ECT2L: variants seen among roughly 807,000 people sequenced by gnomAD.
ECT2L encodes the protein epithelial cell transforming 2 like, also known as epithelial cell-transforming sequence 2 oncogene-like.
Under a neutral mutation model 122.8 loss-of-function variants are expected in ECT2L, and 126 were observed. The ratio of observed to expected loss-of-function variants is 1.03; its 90% CI spans 0.89 to 1.19. ECT2L has a LOEUF of 1.19. ECT2L is among the 50% of genes most tolerant of loss of function. The pLI, the probability that ECT2L is intolerant of heterozygous loss-of-function variation, is 0.00. For synonymous variants in ECT2L, 385 were observed against 381.8 expected, an observed-to-expected ratio of 1.01 and a Z score of -0.10; for missense variants, 1,012 against 1,064.1, an observed-to-expected ratio of 0.95 and a Z score of 0.68.
intron 4 of ECT2L, among the ~76,000 whole-genome samples, chr6:138,818,724 A>G (rs1776153111): frequency 6.6e-6 from 1 of 152,142 alleles, no homozygotes; most frequent in African/African-American, 2.4e-5. Flanking sequence ...ATGGGGCTCA[A>G]TGGATGGAAA....
intron 10 of ECT2L, among the ~76,000 whole-genome samples, chr6:138,859,849 T>C (rs1348651845): frequency 6.6e-6 from 1 of 151,616 alleles, no homozygotes; most frequent in Non-Finnish European, 1.5e-5. Flanking sequence ...AGAGTTTCAC[T>C]CTTGTTGCCC....
chr6:138,856,430 G>C (rs1197782962), intron 10 of ECT2L, among the ~76,000 whole-genome samples: 1 of 151,934 alleles, frequency 6.6e-6, no homozygotes, highest in Non-Finnish European at 1.5e-5. Context: ...GGCCAGGCTG[G>C]TCTAGAACTT....
rs1778927129 is a variant in ECT2L, at chr6:138,889,012, G to T, written c.2395G>T (p.Glu799Ter). ...DVAQLHCCDEEISFSLRLYEH... is the reference protein window; with the variant it reads ...DVAQLHCCDE ...AGCCCAACTTCATTGCTGTGATGAAGAAATAAGTTTCTCTTTAAGGTAAAC... is the reference window on the plus strand; with the variant it reads ...AGCCCAACTTCATTGCTGTGATGAATAAATAAGTTTCTCTTTAAGGTAAAC... The change falls in exon 20 of 22, where the codon GAA becomes TAA. Residue 799 changes from glutamate (E) to a stop codon, truncating the protein, a stop_gained. Transcript: ENST00000541398. LOFTEE classifies it high-confidence loss of function. The T allele has an allele frequency of 1.3e-6, 2 of 1,548,964 alleles. No homozygotes were observed. The highest frequency in any genetic ancestry group is 1.4e-5 in the African/African-American group (1 of 73,134).
chr6:138,826,619 A>T (rs1776461905), intron 4 of ECT2L, among the ~76,000 whole-genome samples: 1 of 151,976 alleles, frequency 6.6e-6, no homozygotes, highest in South Asian at 2.1e-4. Flanking sequence ...GTGAGCCGAG[A>T]TTGCATTATA....
chr6:138,834,092 T>C (rs2128385170), intron 4 of ECT2L, among the ~76,000 whole-genome samples: 1 of 152,336 alleles, frequency 6.6e-6, no homozygotes, highest in South Asian at 2.1e-4. Context: ...CCCACATTAC[T>C]AAGCTTTGTT....
In ECT2L at chr6:138,864,998, C is replaced by T; in HGVS notation, c.1294C>T (p.Leu432Phe). 1.2e-6 allele frequency: 2 copies of T among 1,611,998 alleles called. No homozygotes were observed. Among genetic ancestry groups the T allele is most frequent in the Non-Finnish European group, 1.7e-6 (2 of 1,179,302 alleles). ...GIATGSYQHI[L>F]SDWLGSQWGK... The stretch of plus-strand genomic sequence containing the variant: ...ATAACAGAAGAAAATCATGTCAGTT[C>T]TTAGTGATTGGCTGGGATCCCAATG... The change falls in exon 12 of 22, where the codon CTT becomes TTT. Residue 432 changes from leucine to phenylalanine, a missense_variant and splice_region_variant. By Grantham distance (22) the Leu-to-Phe change is conservative. Coordinates refer to ENST00000541398, the MANE Select transcript of ECT2L (RefSeq NM_001077706.3).
rs1177462993 is a variant in ECT2L at position 138,846,643 on chromosome 6, T to G, written c.869T>G (p.Phe290Cys). The G allele has an allele frequency of 5.0e-6, 8 of 1,609,234 alleles. No individual in the cohort carries two copies. The highest frequency in any genetic ancestry group is 5.9e-6 in the Non-Finnish European group (7 of 1,178,006). Residue 290 changes from phenylalanine to cysteine, a missense_variant, in exon 8 of 22, where the codon TTC becomes TGC. By Grantham distance (205) the Phe-to-Cys change is radical. Coordinates refer to ENST00000541398, the MANE Select transcript of ECT2L (RefSeq NM_001077706.3). ...TCTTCATATGCTCTCCGGCCACACT[T>G]CATGTTAATATCATCCCGGATTCCT... ...DRSSYALRPHFMLISSRIPAY... is the reference protein window; with the variant it reads ...DRSSYALRPHCMLISSRIPAY...
intron 4 of ECT2L, among the ~76,000 whole-genome samples, chr6:138,829,340 A>G (rs1322236766): frequency 6.6e-6 from 1 of 152,194 alleles, no homozygotes; most frequent in Non-Finnish European, 1.5e-5. Context: ...AAGGTTGTTC[A>G]TAGTTTCTAG....
chr6:138,824,711 C>T (rs1347612173), intron 4 of ECT2L, among the ~76,000 whole-genome samples: 10 of 152,180 alleles, frequency 6.6e-5, no homozygotes, highest in African/African-American at 9.6e-5. Flanking sequence ...CCCATAGGGA[C>T]GTGTTTGGGC....
chr6:138,900,798 A>G, intron 20 of ECT2L, 150 bp from the exon 21 acceptor site: 1 of 827,292 alleles, frequency 1.2e-6, no homozygotes, highest in Non-Finnish European at 1.8e-6. Context: ...ATCAGGAGGA[A>G]TATTATACTG....
chr6:138,835,145 TAAAAA>T (rs34665665), intron 4 of ECT2L, among the ~76,000 whole-genome samples: 2 of 152,038 alleles, frequency 1.3e-5, no homozygotes, highest in Admixed American at 6.5e-5. Flanking sequence ...TTTAGCCACT[TAAAAA>T]AAACTTTTCA....
At chr6:138,844,661 C>T in intron 7 of ECT2L, 81 bp downstream of exon 7, 1 of 1,346,254 alleles carries the variant, frequency 7.4e-7, no homozygotes, top group Non-Finnish European at 1.0e-6. Context: ...AGCTATCACG[C>T]AGAAATCTTG....
rs901183106 is a variant in ECT2L at position 138,893,520 on chromosome 6, A to C, written c.2414+4489A>C. On this transcript the variant is annotated intron_variant, in intron 20 of 21. Coordinates refer to ENST00000541398, the MANE Select transcript of ECT2L (RefSeq NM_001077706.3). Reference sequence around the variant, plus strand: ...ACCACAACCTCTGCCTCTCAGGCTCAAGGGATTCTCCCGCCTCAGCCTCCT... The same window carrying C: ...ACCACAACCTCTGCCTCTCAGGCTCCAGGGATTCTCCCGCCTCAGCCTCCT... Among the ~76,000 whole-genome samples, 75 of 152,080 alleles carry C rather than the reference A, an allele frequency of 4.9e-4. 1 individual carries two copies. The highest frequency in any genetic ancestry group is 7.1e-4 in the Non-Finnish European group (48 of 67,964).
intron 14 of ECT2L, among the ~76,000 whole-genome samples, chr6:138,879,845 C>A (rs1188858): frequency 6.6e-6 from 1 of 151,816 alleles, no homozygotes; most frequent in East Asian, 1.9e-4. Flanking sequence ...CCCAGCTACT[C>A]GGGAGGCTGA....
intron 4 of ECT2L, 90 bp from the exon 5 acceptor site, chr6:138,838,262 T>C (rs954239802): frequency 7.7e-6 from 9 of 1,175,738 alleles, no homozygotes; most frequent in African/African-American, 4.8e-5. Flanking sequence ...AGGTAGAACA[T>C]TGGAGGAAGA....
chr6:138,802,763 A>G (rs1025205872), intron 1 of ECT2L, among the ~76,000 whole-genome samples: 2 of 152,154 alleles, frequency 1.3e-5, no homozygotes, highest in Non-Finnish European at 2.9e-5. Flanking sequence ...AACGAAATTA[A>G]TATCTTCACA....
At chr6:138,875,567 G>C (rs1018600220) in intron 13 of ECT2L, among the ~76,000 whole-genome samples, 4 of 152,208 alleles carry the variant, frequency 2.6e-5, no homozygotes, top group Non-Finnish European at 5.9e-5. Flanking sequence ...CAGGCAGCAG[G>C]GGTGGGGGTG....
At chr6:138,832,164 A>AT (rs1389090227) in intron 4 of ECT2L, among the ~76,000 whole-genome samples, 1 of 146,762 alleles carries the variant, frequency 6.8e-6, no homozygotes, top group South Asian at 2.1e-4. Context: ...AAAACTATAT[A>AT]TTTTTTACTT....
chr6:138,862,577 C>T (rs1382153929), intron 10 of ECT2L, 50 bp from the exon 11 acceptor site: 1 of 1,543,640 alleles, frequency 6.5e-7, no homozygotes, highest in South Asian at 1.1e-5. Context: ...ATATGATCTT[C>T]CATGGCAAAA....
Sources: gnomAD v4.1 joint callset for allele counts (sites outside exome capture counted in the v4.1 genomes callset) on GRCh38, gnomAD v4.1.1 for gene constraint, MANE v1.5 for transcripts, NCBI Gene and HGNC (gene_info 2026-07-23, HGNC 2026-07-21) for gene names.